Variants in PARD3B observed in about 807,000 individuals in gnomAD.
The protein encoded by PARD3B is partitioning defective 3 homolog B.
A neutral mutation model predicts 130.2 loss-of-function variants in PARD3B; 103 were observed. The ratio of observed to expected loss-of-function variants is 0.79; its 90% CI spans 0.67 to 0.93. The LOEUF (loss-of-function observed/expected upper bound fraction) is 0.93. Ranked by LOEUF, PARD3B falls within the 40% of genes least tolerant of loss-of-function variation. PARD3B has a pLI of 0.00. For synonymous variants in PARD3B, 583 were observed against 553.2 expected (o/e 1.05, Z -0.76); for missense variants, 1,609 against 1,499.2 (o/e 1.07, Z -1.21).
At chr2:205,196,155 A>G (rs1447985386) in intron 15 of PARD3B, among the ~76,000 whole-genome samples, 2 of 152,186 alleles carry the variant, frequency 1.3e-5, no homozygotes, top group Admixed American at 6.6e-5. Flanking sequence ...ATAGTCTAAA[A>G]TGTGAGTGCT....
chr2:205,095,504 C>T (rs1702342917), intron 4 of PARD3B, among the ~76,000 whole-genome samples: 1 of 151,924 alleles, frequency 6.6e-6, no homozygotes, highest in African/African-American at 2.4e-5. Flanking sequence ...AGAAGTGCAC[C>T]CACTGGTGTT....
At chr2:205,478,400 A>G (rs892708659) in intron 20 of PARD3B, among the ~76,000 whole-genome samples, 7 of 152,346 alleles carry the variant, frequency 4.6e-5, no homozygotes, top group Middle Eastern at 3.4e-3. Flanking sequence ...AACCTAGAGC[A>G]TCACATTGAG....
chr2:205,441,414 T>C (rs539863004), intron 20 of PARD3B, among the ~76,000 whole-genome samples: 127 of 152,266 alleles, frequency 8.3e-4, no homozygotes, highest in Admixed American at 1.3e-3. Flanking sequence ...AGAGTTTTAG[T>C]CGATATACAT....
At position 205,496,320 on chromosome 2, in the gene PARD3B, G is replaced by A. The variant is rs576238968; in HGVS notation, c.3045-3576G>A. On this transcript the variant is annotated intron_variant, in intron 20 of 22. Coordinates refer to ENST00000406610, the MANE Select transcript of PARD3B (RefSeq NM_001302769.2). ...TACAAATCAGAAATTGGAATTTGCT[G>A]TCCCTAATCTTACCACCTTAAATAC... Among the ~76,000 whole-genome samples the A allele has an allele frequency of 2.0e-5, 3 of 152,222 alleles. No individual in the cohort carries two copies. In the South Asian group the frequency reaches 6.2e-4, roughly 32 times the overall value.
intron 2 of PARD3B, among the ~76,000 whole-genome samples, chr2:204,724,265 G>A (rs893875884): frequency 1.3e-5 from 2 of 152,058 alleles, no homozygotes; most frequent in African/African-American, 4.8e-5. Flanking sequence ...CTAATATTTA[G>A]CCTCTCTTTA....
chr2:205,295,638 G>A (rs2041762043), intron 16 of PARD3B, among the ~76,000 whole-genome samples: 1 of 152,156 alleles, frequency 6.6e-6, no homozygotes. Flanking sequence ...TAATATGGAT[G>A]TATTGGAAGC....
chr2:205,054,418 A>G lies in PARD3B; in HGVS notation c.504+6728A>G, dbSNP rs1322005344. Among the ~76,000 whole-genome samples the G allele has an allele frequency of 4.1e-4, 7 of 17,188 alleles. 1 individual carries two copies. In the South Asian group the frequency reaches 0.019, roughly 46 times the overall value. 11.3% of individuals were successfully genotyped at this position (17,188 alleles called of 152,430 possible). A position where few individuals can be genotyped will look rare whatever the true frequency, so the allele number is the denominator to read the frequency against. On this transcript the variant is annotated intron_variant, in intron 4 of 22. Coordinates refer to ENST00000406610, the MANE Select transcript of PARD3B (RefSeq NM_001302769.2). ...TGACATGTCTTTTATATATATATAT[A>G]TATATATATATATATATATTTTTTT...
At position 205,122,774 on chromosome 2, in the gene PARD3B, T is replaced by C. The variant is rs1050644223; in HGVS notation, c.1165+825T>C. ...ATTAAGGTCTTTCAAAAACAAATAA[T>C]GTATCATCATTTAGGATATGAAAAT... On this transcript the variant is annotated intron_variant, in intron 8 of 22. Coordinates refer to ENST00000406610, the MANE Select transcript of PARD3B (RefSeq NM_001302769.2). This position sits in a 1 kb window ranked among gnomAD's most constrained non-coding sequence, Gnocchi z 4.3. Among the ~76,000 whole-genome samples, 9 of 152,230 alleles carry C rather than the reference T, an allele frequency of 5.9e-5. No individual in the cohort carries two copies. The highest frequency in any genetic ancestry group is 1.3e-4 in the Non-Finnish European group (9 of 68,038).
Position 205,380,484 on chromosome 2 carries a change from A to ACT in PARD3B, c.2631-20529_2631-20528insCT, listed in dbSNP as rs2045314444. On this transcript the variant is annotated intron_variant, in intron 18 of 22. Transcript: ENST00000406610. ...TATATAAAGAATATATATTATATAT[A>ACT]ATATATAAAGAATATATATTATATA... is the stretch of plus-strand genomic sequence containing the variant. Among the ~76,000 whole-genome samples, 4 of 18,134 alleles carry ACT rather than the reference A, an allele frequency of 2.2e-4. No individual in the cohort carries two copies. The Admixed American group carries it at 4.7e-3, about 21-fold the overall frequency. 11.9% of individuals were successfully genotyped at this position (18,134 alleles called of 152,430 possible).
chr2:204,610,028 G>A lies in PARD3B; in HGVS notation c.120+63909G>A, dbSNP rs1240888259. 6.6e-6 allele frequency among the ~76,000 whole-genome samples: 1 copy of A among 152,106 alleles called. No homozygotes were observed. Among genetic ancestry groups the A allele is most frequent in the African/African-American group, 2.4e-5 (1 of 41,412 alleles). On this transcript the variant is annotated intron_variant, in intron 1 of 22. Transcript: ENST00000406610. This position sits in a 1 kb window ranked among gnomAD's most constrained non-coding sequence, Gnocchi z 4.1. ...TACCAGAGTCAGGTTGGAACTTGGTGTCTTATTGCCACAAAGCGTCTGTTT... is the reference window on the plus strand; with the variant it reads ...TACCAGAGTCAGGTTGGAACTTGGTATCTTATTGCCACAAAGCGTCTGTTT...
chr2:205,164,308 T>A (rs887550251), intron 11 of PARD3B, among the ~76,000 whole-genome samples: 1 of 152,200 alleles, frequency 6.6e-6, no homozygotes, highest in Non-Finnish European at 1.5e-5. Flanking sequence ...ACATTACTTT[T>A]AAAATCTCAA....
Position 204,687,463 on chromosome 2 carries a change from AT to A in PARD3B, c.222+1186del, listed in dbSNP as rs552454721. On this transcript the variant is annotated intron_variant, in intron 2 of 22. Transcript: ENST00000406610. The stretch of plus-strand genomic sequence containing the variant: ...CTCCTAGTGGACATGGACTTGGGAG[AT>A]TTTTATTTGTGTGTTTTTGTTAGTA... Among the ~76,000 whole-genome samples, 423 of 152,160 alleles carry A rather than the reference AT, an allele frequency of 2.8e-3. 2 individuals are homozygous for A. Among genetic ancestry groups the A allele is most frequent in the Non-Finnish European group, 5.4e-3 (365 of 67,982 alleles).
At chr2:205,211,536 C>A (rs544354582) in intron 15 of PARD3B, among the ~76,000 whole-genome samples, 32 of 150,784 alleles carry the variant, frequency 2.1e-4, no homozygotes, top group Non-Finnish European at 4.3e-4. Flanking sequence ...ACGATAATAA[C>A]GCAATAAGTG....
At chr2:205,480,027 T>C (rs4675525) in intron 20 of PARD3B, among the ~76,000 whole-genome samples, 69,232 of 151,158 alleles carry the variant, frequency 0.46, 17,535 homozygotes, top group Admixed American at 0.6. Context: ...CTCAGCCTCC[T>C]GAGTAGCTGG....
intron 2 of PARD3B, among the ~76,000 whole-genome samples, chr2:204,739,221 A>G (rs1466399332): frequency 6.6e-6 from 1 of 152,076 alleles, no homozygotes; most frequent in Non-Finnish European, 1.5e-5. Flanking sequence ...GTGCCTTGGG[A>G]TCTACTCATT....
rs1250535512 is a variant in PARD3B at position 205,619,628 on chromosome 2, C to T, written c.*3815C>T. 6.6e-6 allele frequency: 1 copy of T among 152,022 alleles called. No individual in the cohort carries two copies. Among genetic ancestry groups the T allele is most frequent in the Non-Finnish European group, 1.5e-5 (1 of 68,012 alleles). The allele number at this position is 152,022 out of a possible 1,614,324, so 9.4% of individuals were successfully genotyped here. A position where few individuals can be genotyped will look rare whatever the true frequency, so the allele number is the denominator to read the frequency against. On this transcript the variant is annotated 3_prime_UTR_variant, in exon 23 of 23. Transcript: ENST00000406610. ...GAAAGAGGAGTCGCCTTAAGGTATC[C>T]CTACAAAGTCACCTTTCTGATAAAA...
chr2:205,388,401 C>G (rs1171548631), intron 18 of PARD3B, among the ~76,000 whole-genome samples: 6 of 152,150 alleles, frequency 3.9e-5, no homozygotes, highest in Non-Finnish European at 8.8e-5. Flanking sequence ...AGTAGACAAG[C>G]AAATAGGAGG....
chr2:205,121,542 G>T lies in PARD3B; in HGVS notation c.807-49G>T. 1 of 1,524,602 alleles carries T rather than the reference G, an allele frequency of 6.6e-7. No homozygotes were observed. The highest frequency in any genetic ancestry group is 9.0e-7 in the Non-Finnish European group (1 of 1,110,126). The allele number at this position is 1,524,602 out of a possible 1,614,324, so 94.4% of individuals were successfully genotyped here. A position where few individuals can be genotyped will look rare whatever the true frequency, so the allele number is the denominator to read the frequency against. On this transcript the variant is annotated intron_variant, in intron 7 of 22. Coordinates refer to ENST00000406610, the MANE Select transcript of PARD3B (RefSeq NM_001302769.2). The surrounding 1 kb of genome is among the most constrained non-coding windows in gnomAD (Gnocchi z 5.0). ...ATCCTCCTGGGGTACTTTAGAAGATGCTGCACCTCAAAGCAGGGTCATCAT... is the reference window on the plus strand; with the variant it reads ...ATCCTCCTGGGGTACTTTAGAAGATTCTGCACCTCAAAGCAGGGTCATCAT...
chr2:205,590,331 G>A lies in PARD3B; in HGVS notation c.3261-25125G>A, dbSNP rs1449628749. On this transcript the variant is annotated intron_variant, in intron 22 of 22. Transcript: ENST00000406610. This position sits in a 1 kb window ranked among gnomAD's most constrained non-coding sequence, Gnocchi z 4.1. ...CATTGTTGGCTTTGCTCTCAGGCAC[G>A]CTCTTCCACCATGGTGGCAAGATGG... 6.6e-6 allele frequency among the ~76,000 whole-genome samples: 1 copy of A among 152,064 alleles called. No homozygotes were observed. The highest frequency in any genetic ancestry group is 1.5e-5 in the Non-Finnish European group (1 of 68,024).
Sources: allele counts gnomAD v4.1 joint callset (sites outside exome capture counted in the v4.1 genomes callset), GRCh38; gene constraint gnomAD v4.1.1; non-coding constraint Gnocchi (gnomAD v3.1); transcripts MANE v1.5; gene names NCBI Gene and HGNC (gene_info 2026-07-23, HGNC 2026-07-21).